The following PTPRQ variants were observed in gnomAD, a reference collection of about 807,000 sequenced individuals.
PTPRQ encodes the protein protein tyrosine phosphatase receptor type Q, also known as phosphatidylinositol phosphatase PTPRQ.
Under a neutral mutation model 246.0 loss-of-function variants are expected in PTPRQ, and 199 were observed. The observed-to-expected ratio is 0.81, with a 90% CI of 0.72 to 0.91. The LOEUF is 0.91. Among genes scored for constraint, PTPRQ ranks in the 40% least tolerant of loss-of-function variants. PTPRQ has a pLI of 0.00. For missense variants in PTPRQ, 2,624 were observed against 2,528.4 expected, an observed-to-expected ratio of 1.04 and a Z score of -0.81; for synonymous variants, 869 against 853.2, an observed-to-expected ratio of 1.02 and a Z score of -0.32.
At chr12:80,606,373 T>C (rs933735008) in intron 27 of PTPRQ, among the ~76,000 whole-genome samples, 1 of 150,974 alleles carries the variant, frequency 6.6e-6, no homozygotes, top group Non-Finnish European at 1.5e-5. Flanking sequence ...CTATCAACAC[T>C]TAAATAAGAG....
In PTPRQ at chr12:80,605,184, AGG is replaced by A; in HGVS notation, c.4731+5_4731+6del. ...TTATCTGATTGATGTCAAATCGGTA[AGG>A]CATGTCTTACCTTCTGTAAAAGCCA... On this transcript the variant is annotated splice_donor_5th_base_variant and intron_variant, in intron 27 of 44. Transcript: ENST00000644991. The A allele has an allele frequency of 6.5e-7, 1 of 1,540,462 alleles. No homozygotes were observed. The highest frequency in any genetic ancestry group is 1.7e-4 in the Middle Eastern group (1 of 5,940).
intron 38 of PTPRQ, among the ~76,000 whole-genome samples, chr12:80,654,229 G>A (rs1217586717): frequency 2.0e-5 from 3 of 152,012 alleles, no homozygotes. Context: ...CAAGTAGCTG[G>A]GATTACAGGC....
intron 39 of PTPRQ, among the ~76,000 whole-genome samples, chr12:80,661,494 C>T (rs1900629767): frequency 6.6e-6 from 1 of 150,946 alleles, no homozygotes; most frequent in Non-Finnish European, 1.5e-5. Flanking sequence ...GATATGTATA[C>T]ATTTGTATAT....
At chr12:80,489,675 A>C (rs1010604705) in intron 9 of PTPRQ, among the ~76,000 whole-genome samples, 1 of 152,022 alleles carries the variant, frequency 6.6e-6, no homozygotes, top group Admixed American at 6.6e-5. Context: ...AATTGAGCAT[A>C]ATTATTTTCT....
At chr12:80,445,364 G>A in intron 2 of PTPRQ, 127 bp from the exon 3 acceptor site, 1 of 601,132 alleles carries the variant, frequency 1.7e-6, no homozygotes. Context: ...CAGAGCTGTA[G>A]GGAGTGTGAA....
At chr12:80,597,449 A>T (rs1320977358) in intron 26 of PTPRQ, among the ~76,000 whole-genome samples, 2 of 152,018 alleles carry the variant, frequency 1.3e-5, no homozygotes, top group Admixed American at 1.3e-4. Context: ...AACCCTCTTC[A>T]TAGTTTATCC....
chr12:80,493,889 C>T (rs1894528451), intron 10 of PTPRQ, among the ~76,000 whole-genome samples: 1 of 151,938 alleles, frequency 6.6e-6, no homozygotes, highest in Non-Finnish European at 1.5e-5. Context: ...GTGTAGGTGA[C>T]CCCAACGATG....
intron 7 of PTPRQ, among the ~76,000 whole-genome samples, chr12:80,469,268 G>A (rs1936787813): frequency 6.6e-6 from 1 of 152,088 alleles, no homozygotes; most frequent in African/African-American, 2.4e-5. Flanking sequence ...GAAAATCTCT[G>A]TATCTTCTGC....
chr12:80,488,290 T>A (rs1894342729), intron 9 of PTPRQ, among the ~76,000 whole-genome samples: 1 of 151,720 alleles, frequency 6.6e-6, no homozygotes, highest in African/African-American at 2.4e-5. Context: ...CAACAGGAGG[T>A]GGGTATAGTG....
chr12:80,488,323 C>T (rs943782635), intron 9 of PTPRQ, among the ~76,000 whole-genome samples: 4 of 151,914 alleles, frequency 2.6e-5, no homozygotes, highest in African/African-American at 9.7e-5. Context: ...AGAGGCCATG[C>T]ACTACACTCC....
At chr12:80,528,338 G>A (rs1895750825) in intron 17 of PTPRQ, among the ~76,000 whole-genome samples, 1 of 152,070 alleles carries the variant, frequency 6.6e-6, no homozygotes, top group East Asian at 1.9e-4. Context: ...ATAATATGTG[G>A]CTATAAACCC....
chr12:80,649,349 CTTTA>C (rs1900180417), intron 36 of PTPRQ, among the ~76,000 whole-genome samples: 2 of 152,058 alleles, frequency 1.3e-5, no homozygotes, highest in African/African-American at 4.8e-5. Context: ...ATGCTAAATC[CTTTA>C]TTTAATGTCA....
Position 80,676,566 on chromosome 12 carries a change from C to T in PTPRQ, c.6739-2036C>T, listed in dbSNP as rs149162090. Among the ~76,000 whole-genome samples the T allele has an allele frequency of 9.3e-4, 141 of 152,192 alleles. 2 individuals carry two copies. Among genetic ancestry groups the T allele is most frequent in the East Asian group, 6.2e-3 (32 of 5,154 alleles). On this transcript the variant is annotated intron_variant, in intron 43 of 44. Transcript: ENST00000644991. ...CTGAGACAGGAGAATCGCTTGAAAC[C>T]GGGAGGCAGAGGTTGCAGTGAGCCA...
At position 80,635,017 on chromosome 12, in the gene PTPRQ, G is replaced by A. The variant is rs11114539; in HGVS notation, c.5859G>A (p.Lys1953=). ...QDAEIIDTKL[K]LDQLITVADL... is the part of the protein sequence containing the mutation. ...CAGAAATTATTGACACTAAATTGAAGCTGGATCAGCTCATCACAGTGGCAG... is the reference window on the plus strand; with the variant it reads ...CAGAAATTATTGACACTAAATTGAAACTGGATCAGCTCATCACAGTGGCAG... Residue 1953 remains lysine, a synonymous_variant, in exon 35 of 45, where the codon AAG becomes AAA. Coordinates refer to ENST00000644991, the MANE Select transcript of PTPRQ (RefSeq NM_001145026.2). The A allele has an allele frequency of 4.1e-5, 64 of 1,551,286 alleles. No homozygotes were observed. Among genetic ancestry groups the A allele is most frequent in the Non-Finnish European group, 5.3e-5 (61 of 1,146,826 alleles).
intron 8 of PTPRQ, among the ~76,000 whole-genome samples, chr12:80,473,022 T>TAC (rs371484292): frequency 0.028 from 3,616 of 129,134 alleles, 129 homozygotes; most frequent in Admixed American, 0.083. Flanking sequence ...TAGACATGTA[T>TAC]ACACACACAC....
chr12:80,655,179 A>G (rs1171470828), intron 38 of PTPRQ, among the ~76,000 whole-genome samples: 1 of 152,144 alleles, frequency 6.6e-6, no homozygotes. Flanking sequence ...TGACTACCCC[A>G]ATTTTCCATA....
rs1248198865 is a variant in PTPRQ, at chr12:80,638,075, C to T, written c.5915+3002C>T. Among the ~76,000 whole-genome samples the T allele has an allele frequency of 5.3e-5, 8 of 152,000 alleles. No individual in the cohort carries two copies. In the South Asian group the frequency reaches 1.5e-3, roughly 28 times the overall value. ...CTGAGGTCAGGATTTTGAGACCAGC[C>T]GGCCCAACATGGTGAAACCCCATCT... On this transcript the variant is annotated intron_variant, in intron 35 of 44. Transcript: ENST00000644991.
chr12:80,542,647 G>A, intron 22 of PTPRQ, 83 bp from the exon 23 acceptor site: 3 of 1,368,838 alleles, frequency 2.2e-6, no homozygotes, highest in Non-Finnish European at 2.9e-6. Flanking sequence ...TTTTAAACTA[G>A]TGTCTTCAAG....
At chr12:80,511,130 C>T (rs555764478) in intron 17 of PTPRQ, among the ~76,000 whole-genome samples, 11 of 152,242 alleles carry the variant, frequency 7.2e-5, no homozygotes, top group Non-Finnish European at 7.4e-5. Flanking sequence ...CACAATACTT[C>T]GTAAAACATA....
Sources: allele counts gnomAD v4.1 joint callset (sites outside exome capture counted in the v4.1 genomes callset), GRCh38; gene constraint gnomAD v4.1.1; transcripts MANE v1.5; gene names NCBI Gene and HGNC (gene_info 2026-07-23, HGNC 2026-07-21).